Variants in KLF8 observed in about 807,000 individuals in gnomAD.
The protein encoded by KLF8 is KLF transcription factor 8, also known as Krueppel-like factor 8.
In KLF8, 10 loss-of-function variants were observed where a neutral mutation model predicts 18.2. That is an observed-to-expected ratio of 0.55 (90% CI 0.34 to 0.93). The LOEUF is 0.93. Ranked by LOEUF, KLF8 falls within the 40% of genes least tolerant of loss-of-function variation. The pLI is 0.02. For missense variants in KLF8, 264 were observed against 277.9 expected (o/e 0.95, Z 0.36); for synonymous variants, 109 against 97.3 (o/e 1.12, Z -0.71).
chrX:56,174,696 G>A, the KLF8 span, among the ~76,000 whole-genome samples: 6 of 111,130 alleles, frequency 5.4e-5, no homozygotes, highest in Non-Finnish European at 1.1e-4. Flanking sequence ...TGTACCTGTG[G>A]TAGATTTCGG....
At chrX:56,131,290 C>T in the KLF8 span, among the ~76,000 whole-genome samples, 2 of 112,070 alleles carry the variant, frequency 1.8e-5, no homozygotes, top group Non-Finnish European at 3.8e-5. Context: ...TAGCAGATTT[C>T]TCAGCAGAAA....
chrX:56,037,086 A>G, the KLF8 span, among the ~76,000 whole-genome samples: 1 of 108,266 alleles, frequency 9.2e-6, no homozygotes, highest in African/African-American at 3.3e-5. Flanking sequence ...ATATAAGATC[A>G]TGCCATTTGC....
At chrX:56,197,455 A>G in the KLF8 span, among the ~76,000 whole-genome samples, 43 of 112,038 alleles carry the variant, frequency 3.8e-4, no homozygotes, top group African/African-American at 1.3e-3. Flanking sequence ...GAATACTACA[A>G]ACACCTCCAC....
the KLF8 span, among the ~76,000 whole-genome samples, chrX:56,060,110 T>C: frequency 8.9e-6 from 1 of 111,764 alleles, no homozygotes. Flanking sequence ...GTTTTCTAAA[T>C]ATACAATCAT....
chrX:55,928,352 T>C, the KLF8 span, among the ~76,000 whole-genome samples: 1 of 111,609 alleles, frequency 9.0e-6, no homozygotes, highest in Admixed American at 9.6e-5. Context: ...TTTCCCCACT[T>C]TCCCTTTTCT....
At chrX:56,130,223 G>A in the KLF8 span, among the ~76,000 whole-genome samples, 13,650 of 110,653 alleles carry the variant, frequency 0.12, 1,537 homozygotes, top group African/African-American at 0.36. Flanking sequence ...TGTGCATCAA[G>A]CAACTGCGAC....
the KLF8 span, among the ~76,000 whole-genome samples, chrX:56,132,104 C>G: frequency 9.0e-6 from 1 of 111,640 alleles, no homozygotes; most frequent in African/African-American, 3.2e-5. Context: ...AACAAAGAAA[C>G]AATGGATTTA....
At chrX:56,001,370 T>A in the KLF8 span, among the ~76,000 whole-genome samples, 2 of 112,052 alleles carry the variant, frequency 1.8e-5, no homozygotes, top group East Asian at 5.6e-4. Flanking sequence ...CCTTTTTCCA[T>A]CTTGTTAATG....
the KLF8 span, among the ~76,000 whole-genome samples, chrX:55,939,380 T>G: frequency 9.0e-6 from 1 of 110,786 alleles, no homozygotes; most frequent in Admixed American, 9.6e-5. Context: ...CAAAGCAGTA[T>G]GTAGAGGGAA....
intron 5 of KLF8, among the ~76,000 whole-genome samples, chrX:56,278,132 T>A (rs1171959456): frequency 8.9e-6 from 1 of 112,369 alleles, no homozygotes; most frequent in Non-Finnish European, 1.9e-5. Context: ...AATATCCTGC[T>A]TGTGCTCTAT....
the KLF8 span, among the ~76,000 whole-genome samples, chrX:56,083,127 C>T: frequency 3.6e-5 from 4 of 111,925 alleles, no homozygotes; most frequent in Non-Finnish European, 7.5e-5. Flanking sequence ...CTGCCCCTTT[C>T]ATGCTCTTTG....
At chrX:56,040,290 C>G in the KLF8 span, among the ~76,000 whole-genome samples, 2 of 111,571 alleles carry the variant, frequency 1.8e-5, no homozygotes, top group Non-Finnish European at 3.8e-5. Flanking sequence ...AGAGGGCATC[C>G]TTTTCTCGTG....
At chrX:56,130,919 C>T in the KLF8 span, among the ~76,000 whole-genome samples, 1 of 111,518 alleles carries the variant, frequency 9.0e-6, no homozygotes, top group South Asian at 3.7e-4. Flanking sequence ...AGTGCTCAAA[C>T]ACAAGGTTTT....
chrX:56,014,201 C>T, the KLF8 span, among the ~76,000 whole-genome samples: 134 of 112,265 alleles, frequency 1.2e-3, no homozygotes, highest in African/African-American at 4.2e-3. Flanking sequence ...AACAGACAGT[C>T]TACAGAATGG....
At chrX:56,226,191 C>T in the KLF8 span, among the ~76,000 whole-genome samples, 2 of 111,730 alleles carry the variant, frequency 1.8e-5, no homozygotes, top group African/African-American at 6.5e-5. Context: ...TTATTGATTT[C>T]GGGGTTAGAC....
the KLF8 span, among the ~76,000 whole-genome samples, chrX:56,188,917 C>T: frequency 4.5e-5 from 5 of 111,800 alleles, no homozygotes; most frequent in African/African-American, 1.6e-4. Flanking sequence ...CATAAAAACC[C>T]TAGAAGAAAA....
chrX:56,097,596 C>T, the KLF8 span, among the ~76,000 whole-genome samples: 5 of 104,778 alleles, frequency 4.8e-5, no homozygotes, highest in Admixed American at 4.2e-4. Flanking sequence ...TATACATGTG[C>T]CATGCTGGTG....
At chrX:56,226,266 C>T in the KLF8 span, among the ~76,000 whole-genome samples, 3 of 112,166 alleles carry the variant, frequency 2.7e-5, no homozygotes, top group Admixed American at 2.8e-4. Context: ...TTAATTCAAT[C>T]ATGGTTTGCT....
the KLF8 span, among the ~76,000 whole-genome samples, chrX:56,199,581 A>C: frequency 8.9e-6 from 1 of 111,859 alleles, no homozygotes; most frequent in Middle Eastern, 4.6e-3. Context: ...TCAGGAAAAA[A>C]CAGATGCTGG....
Sources: allele counts gnomAD v4.1 joint callset (sites outside exome capture counted in the v4.1 genomes callset), GRCh38; gene constraint gnomAD v4.1.1; transcripts MANE v1.5; gene names NCBI Gene and HGNC (gene_info 2026-07-23, HGNC 2026-07-21).